The following LCLAT1 variants were observed in gnomAD, a reference collection of about 807,000 sequenced individuals.
LCLAT1 encodes the protein 1-AGP acyltransferase 8.
A neutral mutation model predicts 30.7 loss-of-function variants in LCLAT1; 11 were observed. That is an observed-to-expected ratio of 0.36 (90% CI 0.23 to 0.59). LCLAT1 has a LOEUF of 0.59. LCLAT1 is among the 20% of genes least tolerant of loss of function. The probability of loss-of-function intolerance (pLI) is 0.77; values close to 1 mark genes in which losing one functional copy is unlikely to be tolerated. For synonymous variants in LCLAT1, 155 were observed against 151.3 expected, an observed-to-expected ratio of 1.02 and a Z score of -0.18; for missense variants, 402 against 458.6, an observed-to-expected ratio of 0.88 and a Z score of 1.13.
chr2:30,631,161 T>C (rs1291816219), intron 5 of LCLAT1, among the ~76,000 whole-genome samples: 1 of 152,240 alleles, frequency 6.6e-6, no homozygotes, highest in Non-Finnish European at 1.5e-5. Flanking sequence ...CCATCTGAGC[T>C]AGGTCCTGGT....
At chr2:30,602,119 A>G (rs1371317875) in intron 5 of LCLAT1, among the ~76,000 whole-genome samples, 1 of 152,154 alleles carries the variant, frequency 6.6e-6, no homozygotes, top group African/African-American at 2.4e-5. Flanking sequence ...GGCAATAGTT[A>G]GATTTAATCA....
At chr2:30,448,437 A>G (rs1034816023) in intron 1 of LCLAT1, among the ~76,000 whole-genome samples, 3 of 152,214 alleles carry the variant, frequency 2.0e-5, no homozygotes, top group Admixed American at 1.3e-4. Context: ...GATATGCTTG[A>G]TATGACAGAT....
At chr2:30,603,924 A>C (rs1667306644) in intron 5 of LCLAT1, among the ~76,000 whole-genome samples, 1 of 152,216 alleles carries the variant, frequency 6.6e-6, no homozygotes, top group African/African-American at 2.4e-5. Context: ...CAAAGAGAAA[A>C]ATAAGGTAAT....
intron 5 of LCLAT1, among the ~76,000 whole-genome samples, chr2:30,638,047 A>G (rs1669121439): frequency 6.6e-6 from 1 of 152,194 alleles, no homozygotes; most frequent in Non-Finnish European, 1.5e-5. Flanking sequence ...AAGCCTGTTG[A>G]TGTAGGCATT....
At position 30,562,182 on chromosome 2, in the gene LCLAT1, A is replaced by C. The variant is rs1022389710; in HGVS notation, c.401A>C (p.His134Pro). The C allele has an allele frequency of 1.2e-6, 2 of 1,613,154 alleles. No individual in the cohort carries two copies. The highest frequency in any genetic ancestry group is 8.5e-7 in the Non-Finnish European group (1 of 1,179,318). ...AMQAAAYIFI[H>P]RKWKDDKSHF... ...CAGGCTGCTGCCTATATCTTCATTC[A>C]TAGGAAATGGAAGGATGACAAGAGC... The change falls in exon 4 of 6, where the codon CAT (histidine) becomes CCT (proline). Residue 134 changes from histidine (H) to proline (P), a missense_variant. Transcript: ENST00000379509.
Position 30,606,902 on chromosome 2 carries a change from C to A in LCLAT1, c.629-33215C>A, listed in dbSNP as rs572979952. The stretch of plus-strand genomic sequence containing the variant: ...AAAACAAATTTACAAGAAAAAACAA[C>A]CCCATTAAAAAAGTGGGCAAGGGAC... On this transcript the variant is annotated intron_variant, in intron 5 of 5. Coordinates refer to ENST00000379509, the MANE Select transcript of LCLAT1 (RefSeq NM_001002257.3). 6 of 151,916 alleles carry A rather than the reference C, an allele frequency of 3.9e-5. No individual in the cohort carries two copies. The East Asian group carries it at 9.7e-4, about 25-fold the overall frequency. 9.4% of individuals were successfully genotyped at this position (151,916 alleles called of 1,614,324 possible).
chr2:30,572,609 G>C (rs1665831241), intron 5 of LCLAT1, among the ~76,000 whole-genome samples: 1 of 152,124 alleles, frequency 6.6e-6, no homozygotes, highest in Non-Finnish European at 1.5e-5. Flanking sequence ...GCTGAGCAGA[G>C]GAACTTTAAA....
chr2:30,526,328 T>C (rs998118644), intron 2 of LCLAT1, among the ~76,000 whole-genome samples: 11 of 152,220 alleles, frequency 7.2e-5, no homozygotes, highest in African/African-American at 2.7e-4. Context: ...TTTTTCCCTG[T>C]ATTTTTCATA....
chr2:30,516,362 A>G (rs190203060), intron 1 of LCLAT1, among the ~76,000 whole-genome samples: 1 of 152,098 alleles, frequency 6.6e-6, no homozygotes, highest in Non-Finnish European at 1.5e-5. Context: ...CAGACCCGCC[A>G]TTGACTTTCA....
chr2:30,632,745 G>A (rs565202128), intron 5 of LCLAT1, among the ~76,000 whole-genome samples: 1 of 152,326 alleles, frequency 6.6e-6, no homozygotes, highest in African/African-American at 2.4e-5. Flanking sequence ...ACGAGGGTAG[G>A]GACTATTGTG....
chr2:30,458,926 T>C (rs1558449633), intron 1 of LCLAT1, among the ~76,000 whole-genome samples: 4 of 152,244 alleles, frequency 2.6e-5, no homozygotes, highest in Admixed American at 2.0e-4. Flanking sequence ...TATATACTTA[T>C]ATTTATAACT....
At chr2:30,482,766 C>G (rs1311804201) in intron 1 of LCLAT1, among the ~76,000 whole-genome samples, 1 of 151,520 alleles carries the variant, frequency 6.6e-6, no homozygotes, top group East Asian at 1.9e-4. Flanking sequence ...ATTGTGAAAC[C>G]CTGTCCCTAT....
intron 5 of LCLAT1, among the ~76,000 whole-genome samples, chr2:30,572,831 T>C (rs1385833638): frequency 1.3e-5 from 2 of 152,080 alleles, no homozygotes; most frequent in African/African-American, 4.8e-5. Flanking sequence ...ATTTTTCTGA[T>C]TCCTGCCTTT....
chr2:30,628,003 T>C (rs1400074247), intron 5 of LCLAT1, among the ~76,000 whole-genome samples: 1 of 152,154 alleles, frequency 6.6e-6, no homozygotes, highest in Non-Finnish European at 1.5e-5. Flanking sequence ...CTGTTTTTGC[T>C]GCAATCTATA....
intron 1 of LCLAT1, among the ~76,000 whole-genome samples, chr2:30,486,160 C>T (rs1221752558): frequency 6.6e-6 from 1 of 151,914 alleles, no homozygotes; most frequent in Non-Finnish European, 1.5e-5. Context: ...GTCCTCATTG[C>T]CTATGGGATA....
intron 5 of LCLAT1, among the ~76,000 whole-genome samples, chr2:30,594,280 AT>A (rs1230602208): frequency 6.6e-6 from 1 of 152,184 alleles, no homozygotes; most frequent in Non-Finnish European, 1.5e-5. Context: ...ACTGATTCAT[AT>A]AGTTTTTTCC....
intron 1 of LCLAT1, chr2:30,476,525 C>T (rs751477372): frequency 4.4e-6 from 2 of 456,098 alleles, no homozygotes; most frequent in South Asian, 1.5e-5. Flanking sequence ...TTGCATGTTC[C>T]TTAGGAGAAT....
rs527623711 is a variant in LCLAT1 at position 30,459,843 on chromosome 2, A to C, written c.-5+12460A>C. 228 of 665,886 alleles carry C rather than the reference A, an allele frequency of 3.4e-4. No individual in the cohort carries two copies. In the African/African-American group the frequency reaches 3.8e-3, roughly 11 times the overall value. The allele number at this position is 665,886 out of a possible 1,614,324, so 41.2% of individuals were successfully genotyped here. A position where few individuals can be genotyped will look rare whatever the true frequency, so the allele number is the denominator to read the frequency against. ...TTATGTTGTATTGTTGACATGTTCT[A>C]TGCTTGTTCTATAACCTTTTCATTG... On this transcript the variant is annotated intron_variant, in intron 1 of 5. Coordinates refer to ENST00000379509, the MANE Select transcript of LCLAT1 (RefSeq NM_001002257.3).
intron 1 of LCLAT1, among the ~76,000 whole-genome samples, chr2:30,501,943 A>G (rs924753052): frequency 1.6e-4 from 25 of 152,356 alleles, no homozygotes; most frequent in African/African-American, 6.0e-4. Context: ...TGATATGTAT[A>G]TCAGTGATGG....
Sources: gnomAD v4.1 joint callset for allele counts (sites outside exome capture counted in the v4.1 genomes callset) on GRCh38, gnomAD v4.1.1 for gene constraint, MANE v1.5 for transcripts, NCBI Gene and HGNC (gene_info 2026-07-23, HGNC 2026-07-21) for gene names.